The following CTNND2 variants were observed in gnomAD, a reference collection of about 807,000 sequenced individuals.
The protein encoded by CTNND2 is catenin delta 2, also known as catenin delta-2.
Under a neutral mutation model 144.4 loss-of-function variants are expected in CTNND2, and 22 were observed. That is an observed-to-expected ratio of 0.15 (90% CI 0.11 to 0.22). The LOEUF is 0.22. Ranked by LOEUF, CTNND2 falls within the 10% of genes least tolerant of loss-of-function variation. The probability of loss-of-function intolerance (pLI) is 1.00; values close to 1 mark genes in which losing one functional copy is unlikely to be tolerated. For missense variants in CTNND2, 1,353 were observed against 1,618.8 expected, an observed-to-expected ratio of 0.84 and a Z score of 2.82; for synonymous variants, 751 against 695.6, an observed-to-expected ratio of 1.08 and a Z score of -1.25.
chr5:11,529,693 A>T (rs1414287762), intron 3 of CTNND2, among the ~76,000 whole-genome samples: 1 of 152,246 alleles, frequency 6.6e-6, no homozygotes, highest in Non-Finnish European at 1.5e-5. Context: ...AAGATTATGC[A>T]GATAGTTTAA....
rs551553521 is a variant in CTNND2, at chr5:11,320,612, G to A, written c.1628+25760C>T. On this transcript the variant is annotated intron_variant, in intron 9 of 21. Coordinates refer to ENST00000304623, the MANE Select transcript of CTNND2 (RefSeq NM_001332.4). ...CACAACCATGGTGGAAGGCAAGGAA[G>A]AGCAAGTCACATCTTACGTGGATGG... Among the ~76,000 whole-genome samples the A allele has an allele frequency of 6.6e-5, 10 of 152,298 alleles. 1 individual carries two copies. In the South Asian group the frequency reaches 2.1e-3, roughly 32 times the overall value.
chr5:11,196,788 C>T (rs1016901476), intron 11 of CTNND2, among the ~76,000 whole-genome samples: 1 of 151,412 alleles, frequency 6.6e-6, no homozygotes, highest in African/African-American at 2.4e-5. Flanking sequence ...CAGAGCCTCA[C>T]CACTGTAGGG....
At chr5:11,634,249 C>T (rs1341774276) in intron 2 of CTNND2, among the ~76,000 whole-genome samples, 2 of 152,108 alleles carry the variant, frequency 1.3e-5, no homozygotes, top group African/African-American at 2.4e-5. Context: ...TTTTTCAGCA[C>T]CCAGGGAACC....
At chr5:11,335,784 C>T (rs2149722740) in intron 9 of CTNND2, among the ~76,000 whole-genome samples, 1 of 152,216 alleles carries the variant, frequency 6.6e-6, no homozygotes, top group South Asian at 2.1e-4. Flanking sequence ...TTTCTGTGTG[C>T]CAGATGGAAA....
intron 16 of CTNND2, among the ~76,000 whole-genome samples, chr5:11,031,985 C>T (rs1033607035): frequency 6.6e-6 from 1 of 152,220 alleles, no homozygotes; most frequent in Non-Finnish European, 1.5e-5. Flanking sequence ...TGCAGATGGC[C>T]TATCATGGGG....
intron 3 of CTNND2, among the ~76,000 whole-genome samples, chr5:11,549,303 G>A (rs944639772): frequency 6.6e-6 from 1 of 152,140 alleles, no homozygotes; most frequent in Non-Finnish European, 1.5e-5. Context: ...CTGCAACATT[G>A]TGTAACACAT....
At chr5:11,137,921 T>C (rs755777652) in intron 12 of CTNND2, among the ~76,000 whole-genome samples, 2 of 152,192 alleles carry the variant, frequency 1.3e-5, no homozygotes, top group Non-Finnish European at 2.9e-5. Context: ...ATTTATTACC[T>C]TACAGTTCTC....
intron 1 of CTNND2, among the ~76,000 whole-genome samples, chr5:11,842,449 G>A (rs1794520716): frequency 6.6e-6 from 1 of 152,172 alleles, no homozygotes; most frequent in African/African-American, 2.4e-5. Context: ...GCCGGGCGCA[G>A]TGGCTCACAC....
intron 2 of CTNND2, among the ~76,000 whole-genome samples, chr5:11,644,100 G>A (rs935722250): frequency 3.9e-5 from 6 of 152,172 alleles, no homozygotes; most frequent in Middle Eastern, 3.4e-3. Context: ...TCTAGCGGCC[G>A]ACTTTATTAC....
At chr5:11,141,127 TA>T (rs2149734748) in intron 12 of CTNND2, among the ~76,000 whole-genome samples, 1 of 152,148 alleles carries the variant, frequency 6.6e-6, no homozygotes. Context: ...ACTAATTTTT[TA>T]TTTTTTGTAG....
chr5:11,687,380 C>T (rs1784703633), intron 2 of CTNND2, among the ~76,000 whole-genome samples: 1 of 152,194 alleles, frequency 6.6e-6, no homozygotes, highest in Admixed American at 6.5e-5. Context: ...TTCCAGGGCC[C>T]CAGATAAAGC....
intron 21 of CTNND2, among the ~76,000 whole-genome samples, chr5:10,974,726 T>G (rs1218157683): frequency 6.6e-6 from 1 of 152,212 alleles, no homozygotes; most frequent in East Asian, 1.9e-4. Context: ...CACTTTTGGG[T>G]GGACTCAGTG....
At chr5:11,428,942 T>A (rs1197779771) in intron 3 of CTNND2, among the ~76,000 whole-genome samples, 1 of 152,322 alleles carries the variant, frequency 6.6e-6, no homozygotes, top group Middle Eastern at 3.4e-3. Flanking sequence ...TAAGAACATA[T>A]CATGGCAAAT....
At chr5:11,795,242 A>T (rs2126876067) in intron 1 of CTNND2, among the ~76,000 whole-genome samples, 1 of 152,294 alleles carries the variant, frequency 6.6e-6, no homozygotes, top group Non-Finnish European at 1.5e-5. Flanking sequence ...CTTTATTTAG[A>T]AGGCCAAGGA....
At chr5:11,018,113 T>G in intron 17 of CTNND2, 55 bp from the exon 18 acceptor site, 1 of 1,188,554 alleles carries the variant, frequency 8.4e-7, no homozygotes, top group Non-Finnish European at 1.3e-6. Context: ...TGTGTCACAT[T>G]TCTGTAATTC....
chr5:11,035,937 A>C (rs1441991227), intron 16 of CTNND2, among the ~76,000 whole-genome samples: 3 of 152,158 alleles, frequency 2.0e-5, no homozygotes, highest in Non-Finnish European at 4.4e-5. Context: ...GATAGAGAAA[A>C]GGCCTGTGAA....
At chr5:11,757,112 A>C (rs755856076) in intron 1 of CTNND2, among the ~76,000 whole-genome samples, 1 of 151,158 alleles carries the variant, frequency 6.6e-6, no homozygotes, top group Non-Finnish European at 1.5e-5. Context: ...TTCCCCTATC[A>C]ATTTACATAT....
intron 9 of CTNND2, among the ~76,000 whole-genome samples, chr5:11,261,433 G>A (rs1043259565): frequency 6.6e-6 from 1 of 152,148 alleles, no homozygotes; most frequent in East Asian, 1.9e-4. Context: ...ATGTCCTCCC[G>A]GGTGCTTTGC....
intron 1 of CTNND2, among the ~76,000 whole-genome samples, chr5:11,842,365 C>T (rs1794515566): frequency 6.6e-6 from 1 of 152,006 alleles, no homozygotes; most frequent in African/African-American, 2.4e-5. Flanking sequence ...GTTTAGAAAA[C>T]CAAAGTGCAA....
Sources: allele counts gnomAD v4.1 joint callset (sites outside exome capture counted in the v4.1 genomes callset), GRCh38; gene constraint gnomAD v4.1.1; transcripts MANE v1.5; gene names NCBI Gene and HGNC (gene_info 2026-07-23, HGNC 2026-07-21).